Variants in CPNE5 observed in about 807,000 individuals in gnomAD.
CPNE5 encodes the protein copine-5.
Under a neutral mutation model 81.1 loss-of-function variants are expected in CPNE5, and 42 were observed. The ratio of observed to expected loss-of-function variants is 0.52; its 90% CI spans 0.40 to 0.67. The LOEUF is 0.67. CPNE5 is among the 30% of genes least tolerant of loss of function. The pLI, the probability that CPNE5 is intolerant of heterozygous loss-of-function variation, is 0.00. For synonymous variants in CPNE5, 313 were observed against 321.5 expected, an observed-to-expected ratio of 0.97 and a Z score of 0.28; for missense variants, 612 against 815.5, an observed-to-expected ratio of 0.75 and a Z score of 3.04.
rs1773795860 is a variant in CPNE5 at position 36,839,041 on chromosome 6, C to G, written c.95+242G>C. Among the ~76,000 whole-genome samples, 1 of 152,224 alleles carries G rather than the reference C, an allele frequency of 6.6e-6. No homozygotes were observed. On this transcript the variant is annotated intron_variant, in intron 1 of 20. Coordinates refer to ENST00000244751, the MANE Select transcript of CPNE5 (RefSeq NM_020939.2). This position sits in a 1 kb window ranked among gnomAD's most constrained non-coding sequence, Gnocchi z 7.3. ...CCCTGTTCCTGTGTCTTCATATCTC[C>G]TCGATGCAACAGCCTGGAGCGCAAA... is the stretch of plus-strand genomic sequence containing the variant.
rs182545981 is a variant in CPNE5, at chr6:36,780,997, C to G, written c.529-2040G>C. The stretch of plus-strand genomic sequence containing the variant: ...GCCTCTTCCAGTACCACTCTGCCCC[C>G]CTGAGAGAGAACAAATTACATTTCA... On this transcript the variant is annotated intron_variant, in intron 8 of 20. Transcript: ENST00000244751. Among the ~76,000 whole-genome samples, 279 of 152,292 alleles carry G rather than the reference C, an allele frequency of 1.8e-3. 4 individuals are homozygous for G. Among genetic ancestry groups the G allele is most frequent in the Non-Finnish European group, 9.1e-4 (62 of 68,024 alleles).
chr6:36,765,558 G>A (rs562063054), intron 10 of CPNE5, among the ~76,000 whole-genome samples, 182 bp from the exon 11 acceptor site: 3 of 152,206 alleles, frequency 2.0e-5, no homozygotes, highest in South Asian at 2.1e-4. Flanking sequence ...TTTAGGAAAG[G>A]CCTTAGGAAA....
At chr6:36,819,398 C>A (rs1169779002) in intron 3 of CPNE5, among the ~76,000 whole-genome samples, 1 of 152,234 alleles carries the variant, frequency 6.6e-6, no homozygotes, top group Non-Finnish European at 1.5e-5. Context: ...CGGCGTCTGG[C>A]CCCCACATGT....
chr6:36,825,805 A>T (rs1203625748), intron 1 of CPNE5, among the ~76,000 whole-genome samples: 3 of 152,146 alleles, frequency 2.0e-5, no homozygotes, highest in African/African-American at 4.8e-5. Flanking sequence ...ACCAAAGGTG[A>T]CTCTACAGTG....
rs112930937 is a variant in CPNE5, at chr6:36,825,884, C to T, written c.96-2786G>A. Among the ~76,000 whole-genome samples, 53 of 152,266 alleles carry T rather than the reference C, an allele frequency of 3.5e-4. 1 individual carries two copies. The highest frequency in any genetic ancestry group is 7.5e-4 in the African/African-American group (31 of 41,552). ...AGGGGGACTTCTCTACTAAAGCAAGCGCTTTAGGTTTATCTTTGAATTCTA... is the reference window on the plus strand; with the variant it reads ...AGGGGGACTTCTCTACTAAAGCAAGTGCTTTAGGTTTATCTTTGAATTCTA... On this transcript the variant is annotated intron_variant, in intron 1 of 20. Coordinates refer to ENST00000244751, the MANE Select transcript of CPNE5 (RefSeq NM_020939.2).
intron 12 of CPNE5, among the ~76,000 whole-genome samples, chr6:36,761,359 G>A (rs142763857): frequency 6.6e-6 from 1 of 152,382 alleles, no homozygotes; most frequent in East Asian, 1.9e-4. Flanking sequence ...GCATGCGAAT[G>A]TATAACACAC....
In CPNE5 at chr6:36,745,138, G is replaced by T; in HGVS notation, c.1341C>A (p.Ala447=). The change falls in exon 18 of 21, where the codon GCC becomes GCA. Residue 447 remains alanine (A), a synonymous_variant. Coordinates refer to ENST00000244751, the MANE Select transcript of CPNE5 (RefSeq NM_020939.2). ...CCGAGTACTGGGAGCCATCCTGCACGGCCGCTGCATTCCTGGGTGGGGCAG... is the reference window on the plus strand; with the variant it reads ...CCGAGTACTGGGAGCCATCCTGCACTGCCGCTGCATTCCTGGGTGGGGCAG... ...VVTHVARNAA[A]VQDGSQYSVL... The T allele has an allele frequency of 6.2e-7, 1 of 1,613,366 alleles. No homozygotes were observed. The highest frequency in any genetic ancestry group is 2.2e-5 in the East Asian group (1 of 44,884).
chr6:36,835,328 T>C (rs778065217), intron 1 of CPNE5, among the ~76,000 whole-genome samples: 3 of 152,318 alleles, frequency 2.0e-5, no homozygotes, highest in African/African-American at 4.8e-5. Flanking sequence ...TAAGTTTTGA[T>C]TGACTCGGCA....
rs146324897 is a variant in CPNE5, at chr6:36,750,381, G to A, written c.972-2114C>T. On this transcript the variant is annotated intron_variant, in intron 14 of 20. Transcript: ENST00000244751. ...GAAATGTCAAGGACATGGTTAGCAG[G>A]AGACCCCAGCCAGGGTCTGCTGGCC... Among the ~76,000 whole-genome samples the A allele has an allele frequency of 1.3e-3, 199 of 152,216 alleles. 2 individuals are homozygous for A. Among genetic ancestry groups the A allele is most frequent in the African/African-American group, 4.5e-3 (187 of 41,516 alleles).
chr6:36,838,922 C>T, intron 1 of CPNE5: 1 of 162,342 alleles, frequency 6.2e-6, no homozygotes, highest in Middle Eastern at 3.0e-3. Flanking sequence ...TCACTCACTT[C>T]GTGATTTGGG....
chr6:36,794,662 A>T lies in CPNE5; in HGVS notation c.405-13T>A, dbSNP rs772741276. On this transcript the variant is annotated splice_polypyrimidine_tract_variant and intron_variant, in intron 6 of 20. Transcript: ENST00000244751. Reference sequence around the variant, plus strand: ...GAATGCGCCTATCCTGTGGAGAGAGAGGGGGAGAGAGAGCATGCCATGAGC... The same window carrying T: ...GAATGCGCCTATCCTGTGGAGAGAGTGGGGGAGAGAGAGCATGCCATGAGC... The T allele has an allele frequency of 6.2e-7, 1 of 1,611,880 alleles. No individual in the cohort carries two copies.
chr6:36,821,773 G>A (rs1157326379), intron 3 of CPNE5, among the ~76,000 whole-genome samples: 1 of 152,148 alleles, frequency 6.6e-6, no homozygotes, highest in Non-Finnish European at 1.5e-5. Flanking sequence ...TGCTGTGGAT[G>A]AGGCCTGGTG....
chr6:36,744,920 G>A (rs1313668250), intron 18 of CPNE5, 128 bp downstream of exon 18: 2 of 684,044 alleles, frequency 2.9e-6, no homozygotes, highest in African/African-American at 1.8e-5. Context: ...AGGGAAATGA[G>A]AAGCCACGCC....
chr6:36,822,995 C>T (rs1043533953), intron 2 of CPNE5, 63 bp downstream of exon 2: 32 of 1,392,008 alleles, frequency 2.3e-5, no homozygotes, highest in South Asian at 7.7e-5. Flanking sequence ...CAAGCATTGC[C>T]GCTGTAATTA....
chr6:36,819,025 G>A (rs1771807101), intron 3 of CPNE5, among the ~76,000 whole-genome samples: 1 of 152,182 alleles, frequency 6.6e-6, no homozygotes, highest in Admixed American at 6.5e-5. Context: ...TGCTTTAATT[G>A]GCATAGACTC....
At chr6:36,803,338 C>T (rs1582947765) in intron 3 of CPNE5, among the ~76,000 whole-genome samples, 1 of 152,156 alleles carries the variant, frequency 6.6e-6, no homozygotes, top group Non-Finnish European at 1.5e-5. Flanking sequence ...CCCCACCCCT[C>T]CTGTGTGCGC....
chr6:36,822,981 G>C (rs1772187043), intron 2 of CPNE5, 77 bp downstream of exon 2: 1 of 1,284,742 alleles, frequency 7.8e-7, no homozygotes, highest in Non-Finnish European at 1.1e-6. Flanking sequence ...GCTCAGTAAG[G>C]GCTCAAGCAT....
At chr6:36,817,660 T>A (rs1243672665) in intron 3 of CPNE5, among the ~76,000 whole-genome samples, 1 of 152,150 alleles carries the variant, frequency 6.6e-6, no homozygotes, top group African/African-American at 2.4e-5. Context: ...TTCCCCACAC[T>A]GCTCTGTGCC....
chr6:36,772,541 C>T (rs945415880), intron 10 of CPNE5, among the ~76,000 whole-genome samples: 1 of 152,204 alleles, frequency 6.6e-6, no homozygotes, highest in Non-Finnish European at 1.5e-5. Context: ...GTGGTCAGAC[C>T]ACAGTCTCCC....
Sources: allele counts gnomAD v4.1 joint callset (sites outside exome capture counted in the v4.1 genomes callset), GRCh38; gene constraint gnomAD v4.1.1; non-coding constraint Gnocchi (gnomAD v3.1); transcripts MANE v1.5; gene names NCBI Gene and HGNC (gene_info 2026-07-23, HGNC 2026-07-21).